Variants in PCDHGA4 observed in about 807,000 individuals in gnomAD.
PCDHGA4 encodes protocadherin gamma-A4.
A neutral mutation model predicts 54.6 loss-of-function variants in PCDHGA4; 38 were observed. The observed-to-expected ratio is 0.70, with a 90% CI of 0.54 to 0.91. The LOEUF is 0.91. PCDHGA4 is among the 40% of genes least tolerant of loss of function. PCDHGA4 has a pLI of 0.00. For synonymous variants in PCDHGA4, 511 were observed against 512.9 expected (o/e 1.00, Z 0.05); for missense variants, 1,298 against 1,220.9 (o/e 1.06, Z -0.94).
rs113107293 is a variant in PCDHGA4, at chr5:141,432,844, A to G, written c.2515-61963A>G. ...CAGACCTCACTCTGTACCTGGTGGTAGCGGTGGCCGCGGTCTCCTGCGTCT... is the reference window on the plus strand; with the variant it reads ...CAGACCTCACTCTGTACCTGGTGGTGGCGGTGGCCGCGGTCTCCTGCGTCT... On this transcript the variant is annotated intron_variant, in intron 1 of 3. Coordinates refer to ENST00000571252, the MANE Select transcript of PCDHGA4 (RefSeq NM_018917.4). This position sits in a 1 kb window ranked among gnomAD's most constrained non-coding sequence, Gnocchi z 6.0. 0.01 allele frequency: 16,860 copies of G among 1,614,178 alleles called. 121 individuals carry two copies. Among genetic ancestry groups the G allele is most frequent in the Non-Finnish European group, 0.012 (14,441 of 1,180,006 alleles).
rs746242389 is a variant in PCDHGA4 at position 141,491,254 on chromosome 5, G to C, written c.2515-3553G>C. 3 of 1,614,080 alleles carry C rather than the reference G, an allele frequency of 1.9e-6. No individual in the cohort carries two copies. In the African/African-American group the frequency reaches 4.0e-5, roughly 22 times the overall value. On this transcript the variant is annotated intron_variant, in intron 1 of 3. Transcript: ENST00000571252. This position sits in a 1 kb window ranked among gnomAD's most constrained non-coding sequence, Gnocchi z 6.9. ...GCTGGTTCTGGAGGATGAGGACCCT[G>C]AGGAAATGCCCAAATCCAGTGACTT...
intron 1 of PCDHGA4, among the ~76,000 whole-genome samples, chr5:141,406,833 A>G (rs776807611): frequency 3.9e-5 from 6 of 152,238 alleles, no homozygotes; most frequent in Non-Finnish European, 4.4e-5. Flanking sequence ...ATGAACTTGC[A>G]TATCAGATAT....
chr5:141,463,266 T>G (rs933899476), intron 1 of PCDHGA4, among the ~76,000 whole-genome samples: 16 of 151,982 alleles, frequency 1.1e-4, no homozygotes, highest in African/African-American at 3.6e-4. Context: ...CTCTATCCCA[T>G]AAATTCTGGC....
intron 1 of PCDHGA4, among the ~76,000 whole-genome samples, chr5:141,401,929 G>C (rs2094209014): frequency 6.6e-6 from 1 of 152,122 alleles, no homozygotes; most frequent in Non-Finnish European, 1.5e-5. Context: ...GTGATGCTTA[G>C]AATAATGTTT....
chr5:141,399,146 G>A, intron 1 of PCDHGA4: 4 of 1,613,792 alleles, frequency 2.5e-6, no homozygotes, highest in Non-Finnish European at 3.4e-6. Context: ...AATGACAATA[G>A]CCCAGAAGTT....
chr5:141,392,641 C>A, intron 1 of PCDHGA4: 2 of 655,502 alleles, frequency 3.1e-6, no homozygotes, highest in East Asian at 5.8e-5. Flanking sequence ...TCACACCTCA[C>A]GAAGACCCGC....
intron 1 of PCDHGA4, among the ~76,000 whole-genome samples, chr5:141,406,174 G>T (rs990967391): frequency 6.6e-6 from 1 of 151,264 alleles, no homozygotes; most frequent in African/African-American, 2.4e-5. Context: ...CTGGGCTTAT[G>T]CAATCCTCCC....
rs1359390451 is a variant in PCDHGA4, at chr5:141,360,344, C to T, written c.2514+2723C>T. 1 of 1,613,798 alleles carries T rather than the reference C, an allele frequency of 6.2e-7. No homozygotes were observed. The highest frequency in any genetic ancestry group is 1.7e-5 in the Admixed American group (1 of 60,012). The stretch of plus-strand genomic sequence containing the variant: ...CCAGCCCGGAAGCTGCGGGTTAGCG[C>T]GGAGAAGGAATATTTCACAGTAAAC... On this transcript the variant is annotated intron_variant, in intron 1 of 3. Coordinates refer to ENST00000571252, the MANE Select transcript of PCDHGA4 (RefSeq NM_018917.4).
chr5:141,490,346 TG>T lies in PCDHGA4; in HGVS notation c.2515-4457del, dbSNP rs1458588422. ...GAGAGCACACCAGTGGGCACAGTAG[TG>T]GGGTTGTTTAATGTGCGAGACCGGG... On this transcript the variant is annotated intron_variant, in intron 1 of 3. Coordinates refer to ENST00000571252, the MANE Select transcript of PCDHGA4 (RefSeq NM_018917.4). The surrounding 1 kb of genome is among the most constrained non-coding windows in gnomAD (Gnocchi z 5.4). 1.2e-6 allele frequency: 2 copies of T among 1,614,164 alleles called. No individual in the cohort carries two copies. The highest frequency in any genetic ancestry group is 3.3e-5 in the Admixed American group (2 of 60,032).
chr5:141,387,388 T>C (rs1323763140), intron 1 of PCDHGA4, among the ~76,000 whole-genome samples: 3 of 152,196 alleles, frequency 2.0e-5, no homozygotes, highest in Non-Finnish European at 2.9e-5. Flanking sequence ...ATATAGATAG[T>C]GCATGTTTGA....
chr5:141,457,809 C>A (rs1404645915), intron 1 of PCDHGA4, among the ~76,000 whole-genome samples: 1 of 152,180 alleles, frequency 6.6e-6, no homozygotes, highest in Non-Finnish European at 1.5e-5. Flanking sequence ...CTCTTGAGGT[C>A]CCAAGATAAA....
At chr5:141,416,362 G>A (rs562901653) in intron 1 of PCDHGA4, 4 of 152,306 alleles carry the variant, frequency 2.6e-5, no homozygotes, top group African/African-American at 7.2e-5. Flanking sequence ...GGAGGCTATA[G>A]AGGGTGAAAT....
intron 1 of PCDHGA4, chr5:141,360,747 G>T: frequency 6.2e-7 from 1 of 1,613,922 alleles, no homozygotes; most frequent in South Asian, 1.1e-5. Flanking sequence ...ACAGAGAAGA[G>T]CACAGTTTAC....
rs771759945 is a variant in PCDHGA4, at chr5:141,405,371, G to A, written c.2514+47750G>A. 49 of 1,598,874 alleles carry A rather than the reference G, an allele frequency of 3.1e-5. No individual in the cohort carries two copies. The highest frequency in any genetic ancestry group is 3.7e-5 in the Non-Finnish European group (43 of 1,176,096). ...GTTTCCTATAGAAGACACCCCTTTG[G>A]TTCCGGTGAGTTCATTTTTTTTCTT... On this transcript the variant is annotated intron_variant, in intron 1 of 3. Transcript: ENST00000571252.
At chr5:141,399,798 G>C in intron 1 of PCDHGA4, 1 of 1,613,236 alleles carries the variant, frequency 6.2e-7, no homozygotes, top group Non-Finnish European at 8.5e-7. Flanking sequence ...ACGCACCGCG[G>C]GTGCTGTACC....
chr5:141,460,766 A>G (rs1370331016), intron 1 of PCDHGA4, among the ~76,000 whole-genome samples: 1 of 152,056 alleles, frequency 6.6e-6, no homozygotes, highest in Non-Finnish European at 1.5e-5. Flanking sequence ...TACATATTGC[A>G]TATGTATGTA....
At chr5:141,360,107 A>G (rs768068572) in intron 1 of PCDHGA4, 11 of 1,553,506 alleles carry the variant, frequency 7.1e-6, no homozygotes, top group Non-Finnish European at 9.6e-6. Context: ...TATTCCTCCT[A>G]TGGGCAAAGG....
chr5:141,370,888 A>G, intron 1 of PCDHGA4: 1 of 1,614,036 alleles, frequency 6.2e-7, no homozygotes, highest in Non-Finnish European at 8.5e-7. Context: ...GTAGGTGTCA[A>G]TTCGCTGCAG....
intron 1 of PCDHGA4, among the ~76,000 whole-genome samples, chr5:141,454,773 G>A (rs1272535268): frequency 6.9e-6 from 1 of 144,540 alleles, no homozygotes; most frequent in East Asian, 2.0e-4. Flanking sequence ...TTTTTTACAA[G>A]GAAATAATCC....
Sources: gnomAD v4.1 joint callset for allele counts (sites outside exome capture counted in the v4.1 genomes callset) on GRCh38, gnomAD v4.1.1 for gene constraint, Gnocchi (gnomAD v3.1) non-coding constraint, MANE v1.5 for transcripts, NCBI Gene and HGNC (gene_info 2026-07-23, HGNC 2026-07-21) for gene names.